ZNF221: variants seen among roughly 807,000 people sequenced by gnomAD.
The protein encoded by ZNF221 is zinc finger protein 221.
A neutral mutation model predicts 12.6 loss-of-function variants in ZNF221; 10 were observed. The ratio of observed to expected loss-of-function variants is 0.79; its 90% CI spans 0.49 to 1.34. ZNF221 has a LOEUF of 1.34. Ranked by LOEUF, ZNF221 falls within the 40% of genes most tolerant of loss-of-function variation. The probability of loss-of-function intolerance (pLI) is 0.00; values close to 1 mark genes in which losing one functional copy is unlikely to be tolerated. For synonymous variants in ZNF221, 232 were observed against 244.0 expected (o/e 0.95, Z 0.46); for missense variants, 661 against 721.4 (o/e 0.92, Z 0.96).
the ZNF221 span, among the ~76,000 whole-genome samples, chr19:43,979,193 C>G: frequency 6.6e-6 from 1 of 151,906 alleles, no homozygotes; most frequent in Non-Finnish European, 1.5e-5. Flanking sequence ...AAACTAGGAA[C>G]ACACTAAGCA....
the ZNF221 span, among the ~76,000 whole-genome samples, chr19:43,974,221 C>T: frequency 0.81 from 117,815 of 146,014 alleles, 46,729 homozygotes; most frequent in Middle Eastern, 0.9. Flanking sequence ...GAAACTGGAC[C>T]CCTTCCTTAC....
chr19:43,974,175 G>T, the ZNF221 span, among the ~76,000 whole-genome samples: 1 of 152,118 alleles, frequency 6.6e-6, no homozygotes, highest in African/African-American at 2.4e-5. Flanking sequence ...ATAATAAACG[G>T]TGCTGGGAGA....
At chr19:43,969,877 C>T (rs1359430182), downstream of ZNF221, among the ~76,000 whole-genome samples, 1 of 152,182 alleles carries the variant, frequency 6.6e-6, no homozygotes, top group African/African-American at 2.4e-5. Context: ...AGGAAGGGTC[C>T]TCCCCCACCG....
intron 1 of ZNF221, among the ~76,000 whole-genome samples, chr19:43,957,488 A>G (rs73038560): frequency 0.1 from 15,384 of 152,168 alleles, 914 homozygotes; most frequent in East Asian, 0.14. Context: ...AAACCTTTAT[A>G]CCTAACTTAA....
chr19:43,961,124 T>C (rs1974835734), intron 1 of ZNF221, among the ~76,000 whole-genome samples: 2 of 152,216 alleles, frequency 1.3e-5, no homozygotes, highest in African/African-American at 2.4e-5. Flanking sequence ...TTAAGAGCCC[T>C]GGCTGGAGTA....
At chr19:43,974,556 A>T in the ZNF221 span, among the ~76,000 whole-genome samples, 1 of 152,130 alleles carries the variant, frequency 6.6e-6, no homozygotes, top group Non-Finnish European at 1.5e-5. Context: ...CGAGAAAAAA[A>T]ACCATTAAAA....
intron 1 of ZNF221, among the ~76,000 whole-genome samples, chr19:43,958,027 G>A (rs966270417): frequency 8.5e-5 from 13 of 152,194 alleles, no homozygotes; most frequent in Non-Finnish European, 1.6e-4. Flanking sequence ...CAGTTGGTTA[G>A]CAACTTAGGA....
At chr19:43,955,305 C>A (rs1336479603) in intron 1 of ZNF221, among the ~76,000 whole-genome samples, 1 of 152,128 alleles carries the variant, frequency 6.6e-6, no homozygotes, top group African/African-American at 2.4e-5. Flanking sequence ...GTCATTTTTG[C>A]TGACAAACAG....
rs56887248 is a variant in ZNF221, at chr19:43,967,480, C to CT, written c.*140dup. ...GAAGAGCTTTGTACATAGATCATAT[C>CT]TTTTTTTTTTTTTTTTGAGACAGAG... On this transcript the variant is annotated 3_prime_UTR_variant, in exon 5 of 5. Coordinates refer to ENST00000587682, the MANE Select transcript of ZNF221 (RefSeq NM_001297588.2). 4,241 of 536,584 alleles carry CT rather than the reference C, an allele frequency of 7.9e-3. 3 individuals carry two copies. Among genetic ancestry groups the CT allele is most frequent in the African/African-American group, 0.013 (675 of 50,322 alleles). 33.2% of individuals were successfully genotyped at this position (536,584 alleles called of 1,614,324 possible).
At chr19:43,973,584 G>A in the ZNF221 span, among the ~76,000 whole-genome samples, 26 of 152,182 alleles carry the variant, frequency 1.7e-4, no homozygotes, top group East Asian at 4.3e-3. Flanking sequence ...GTGCAAAACC[G>A]CTAGCATTCC....
chr19:43,973,523 C>G, the ZNF221 span, among the ~76,000 whole-genome samples: 3 of 152,132 alleles, frequency 2.0e-5, no homozygotes, highest in Non-Finnish European at 4.4e-5. Flanking sequence ...AGCCCAAAAG[C>G]TTTTTAAGCT....
rs1350727455 is a variant in ZNF221, at chr19:43,966,790, G to A, written c.1288G>A (p.Gly430Arg). The A allele has an allele frequency of 1.2e-6, 2 of 1,614,092 alleles. No individual in the cohort carries two copies. Among genetic ancestry groups the A allele is most frequent in the Admixed American group, 3.3e-5 (2 of 60,014 alleles). Reference sequence around the variant, plus strand: ...CTTCAAATGTGAAGAATGTGGGAAGGGATTTTATACAAATTCACGACGATC... The same window carrying A: ...CTTCAAATGTGAAGAATGTGGGAAGAGATTTTATACAAATTCACGACGATC... Reference protein sequence around the residue: ...KSFKCEECGKGFYTNSRRSSH... With the variant: ...KSFKCEECGKRFYTNSRRSSH... The change falls in exon 5 of 5, where the codon GGA becomes AGA. Residue 430 changes from glycine to arginine, a missense_variant. Physicochemically the swap from Gly to Arg is moderately radical, Grantham distance 125. Transcript: ENST00000587682.
rs770335353 is a variant in ZNF221, at chr19:43,967,189, A to T, written c.1687A>T (p.Asn563Tyr). The T allele has an allele frequency of 1.3e-5, 20 of 1,594,090 alleles. No homozygotes were observed. Among genetic ancestry groups the T allele is most frequent in the Middle Eastern group, 1.7e-4 (1 of 6,022 alleles). The change falls in exon 5 of 5, where the codon AAT becomes TAT. Residue 563 changes from asparagine (N) to tyrosine (Y), a missense_variant. Physicochemically the swap from Asn to Tyr is moderately radical, Grantham distance 143. Coordinates refer to ENST00000587682, the MANE Select transcript of ZNF221 (RefSeq NM_001297588.2). ...QRVHGGERPYNCKECGKSFGW... is the reference protein window; with the variant it reads ...QRVHGGERPYYCKECGKSFGW... The stretch of plus-strand genomic sequence containing the variant: ...GGTCCACGGGGGAGAGCGACCCTAT[A>T]ATTGTAAGGAATGTGGAAAGAGCTT...
intron 1 of ZNF221, among the ~76,000 whole-genome samples, chr19:43,956,673 C>T (rs1047489556): frequency 3.3e-5 from 5 of 152,168 alleles, no homozygotes; most frequent in Admixed American, 6.5e-5. Context: ...TAAAATTTCT[C>T]CAAACTGGAG....
chr19:43,965,410 C>A, intron 4 of ZNF221, 85 bp downstream of exon 4: 4 of 1,241,832 alleles, frequency 3.2e-6, no homozygotes, highest in South Asian at 3.8e-5. Flanking sequence ...TCACCCTGGT[C>A]TAAATTGCCA....
intron 1 of ZNF221, among the ~76,000 whole-genome samples, chr19:43,952,845 A>G (rs1391970169): frequency 1.3e-5 from 2 of 152,206 alleles, no homozygotes; most frequent in African/African-American, 2.4e-5. Flanking sequence ...TTGTATTCTT[A>G]TAGAACCATA....
At chr19:43,959,625 T>C (rs1974811941) in intron 1 of ZNF221, among the ~76,000 whole-genome samples, 1 of 152,182 alleles carries the variant, frequency 6.6e-6, no homozygotes, top group African/African-American at 2.4e-5. Context: ...TTTCTCTCTC[T>C]TGTTCCTGCT....
At chr19:43,979,958 G>T in the ZNF221 span, among the ~76,000 whole-genome samples, 2 of 152,126 alleles carry the variant, frequency 1.3e-5, no homozygotes, top group Admixed American at 1.3e-4. Flanking sequence ...AAATATATTG[G>T]ATAATCCCAA....
the ZNF221 span, among the ~76,000 whole-genome samples, chr19:43,980,800 C>T: frequency 1.3e-5 from 2 of 152,168 alleles, no homozygotes; most frequent in East Asian, 1.9e-4. Context: ...CTCATTGAGG[C>T]GTGCTACTTT....
Sources: allele counts gnomAD v4.1 joint callset (sites outside exome capture counted in the v4.1 genomes callset), GRCh38; gene constraint gnomAD v4.1.1; transcripts MANE v1.5; gene names NCBI Gene and HGNC (gene_info 2026-07-23, HGNC 2026-07-21).